Variants in PTPRN2 observed in about 807,000 individuals in gnomAD.
PTPRN2 encodes receptor-type tyrosine-protein phosphatase N2.
A neutral mutation model predicts 118.8 loss-of-function variants in PTPRN2; 74 were observed. The ratio of observed to expected loss-of-function variants is 0.62; its 90% CI spans 0.52 to 0.76. The LOEUF (loss-of-function observed/expected upper bound fraction) is 0.76, where lower values mean the gene tolerates loss of function less well. Ranked by LOEUF, PTPRN2 falls within the 30% of genes least tolerant of loss-of-function variation. The pLI, the probability that PTPRN2 is intolerant of heterozygous loss-of-function variation, is 0.00. For missense variants in PTPRN2, 1,481 were observed against 1,394.4 expected, an observed-to-expected ratio of 1.06 and a Z score of -0.99; for synonymous variants, 641 against 608.0, an observed-to-expected ratio of 1.05 and a Z score of -0.80.
intron 11 of PTPRN2, among the ~76,000 whole-genome samples, chr7:157,910,466 C>T (rs1183222289): frequency 7.9e-6 from 1 of 127,080 alleles, no homozygotes; most frequent in African/African-American, 3.0e-5. Flanking sequence ...GGATCACGCA[C>T]GTACGCCGTG....
intron 3 of PTPRN2, among the ~76,000 whole-genome samples, chr7:158,273,007 T>C (rs1323844231): frequency 6.6e-6 from 1 of 152,170 alleles, no homozygotes; most frequent in Non-Finnish European, 1.5e-5. Flanking sequence ...AATATGAAAG[T>C]GGCCATGGGC....
intron 12 of PTPRN2, among the ~76,000 whole-genome samples, chr7:157,842,068 G>A (rs907197853): frequency 1.3e-5 from 2 of 152,078 alleles, no homozygotes; most frequent in Admixed American, 6.5e-5. Flanking sequence ...CTTCCCTTTC[G>A]GGGAGGCCTG....
At chr7:158,340,550 G>T (rs189542083) in intron 2 of PTPRN2, among the ~76,000 whole-genome samples, 10,046 of 83,840 alleles carry the variant, frequency 0.12, no homozygotes, top group African/African-American at 0.13. Flanking sequence ...GCCCGCAGAG[G>T]TCACTCACAC....
intron 3 of PTPRN2, among the ~76,000 whole-genome samples, chr7:158,290,242 A>G (rs1221553665): frequency 6.6e-6 from 1 of 151,942 alleles, no homozygotes; most frequent in Non-Finnish European, 1.5e-5. Flanking sequence ...TGAGTTCTGG[A>G]GCCTGGAGCA....
At chr7:157,945,695 G>A (rs1306088495) in intron 11 of PTPRN2, among the ~76,000 whole-genome samples, 2 of 149,388 alleles carry the variant, frequency 1.3e-5, no homozygotes, top group African/African-American at 4.9e-5. Flanking sequence ...CAGCTTGGAC[G>A]ATGTCACCTC....
chr7:157,553,924 G>A lies in PTPRN2; in HGVS notation c.2903-4905C>T, dbSNP rs111665677. ...GATAGCCAGGCTCAGGCTGGGCGCC[G>A]TATCCTGCCCGCTCTGGTGCCCTCC... On this transcript the variant is annotated intron_variant, in intron 21 of 22. Transcript: ENST00000389418. Among the ~76,000 whole-genome samples, 419 of 151,994 alleles carry A rather than the reference G, an allele frequency of 2.8e-3. 4 individuals are homozygous for A. Among genetic ancestry groups the A allele is most frequent in the African/African-American group, 9.5e-3 (394 of 41,334 alleles).
At chr7:158,549,373 G>A (rs1826496867) in intron 1 of PTPRN2, among the ~76,000 whole-genome samples, 1 of 152,158 alleles carries the variant, frequency 6.6e-6, no homozygotes. Flanking sequence ...TGTGTTCACC[G>A]GGCGGATTCT....
chr7:157,780,658 G>A lies in PTPRN2; in HGVS notation c.1789-97721C>T, dbSNP rs181626946. 6.6e-6 allele frequency among the ~76,000 whole-genome samples: 1 copy of A among 152,292 alleles called. No homozygotes were observed. Among genetic ancestry groups the A allele is most frequent in the Admixed American group, 6.5e-5 (1 of 15,294 alleles). ...GCCTCAGTTTCCCTGTTTGCACAAT[G>A]GGGCTTCACCCATTTCGCAGGGTGG... On this transcript the variant is annotated intron_variant, in intron 12 of 22. Coordinates refer to ENST00000389418, the MANE Select transcript of PTPRN2 (RefSeq NM_002847.5). This position sits in a 1 kb window ranked among gnomAD's most constrained non-coding sequence, Gnocchi z 4.5.
At chr7:158,270,687 T>C (rs1360770010) in intron 3 of PTPRN2, among the ~76,000 whole-genome samples, 2 of 151,510 alleles carry the variant, frequency 1.3e-5, no homozygotes, top group Non-Finnish European at 2.9e-5. Flanking sequence ...CCTGGGAGCT[T>C]GCTGGGCCAC....
intron 2 of PTPRN2, among the ~76,000 whole-genome samples, chr7:158,435,996 C>T (rs918513631): frequency 1.2e-4 from 19 of 152,136 alleles, no homozygotes; most frequent in African/African-American, 4.6e-4. Flanking sequence ...TAGAGATCTG[C>T]GGTACAGATC....
intron 11 of PTPRN2, among the ~76,000 whole-genome samples, chr7:158,020,607 C>A (rs35313662): frequency 6.6e-6 from 1 of 152,100 alleles, no homozygotes; most frequent in South Asian, 2.1e-4. Flanking sequence ...GGGGCTGGGG[C>A]AGCCTTGCCC....
intron 12 of PTPRN2, among the ~76,000 whole-genome samples, chr7:157,762,906 C>T (rs898693267): frequency 2.0e-5 from 3 of 152,192 alleles, no homozygotes; most frequent in Non-Finnish European, 4.4e-5. Context: ...CCAGCCCCGC[C>T]CCTGAAAAGC....
At chr7:158,104,359 G>A (rs1437272854) in intron 10 of PTPRN2, among the ~76,000 whole-genome samples, 1 of 152,128 alleles carries the variant, frequency 6.6e-6, no homozygotes, top group East Asian at 1.9e-4. Flanking sequence ...TAAGAATCAA[G>A]ACAACTTAAG....
chr7:158,325,651 T>C (rs1803442359), intron 2 of PTPRN2, among the ~76,000 whole-genome samples: 2 of 152,120 alleles, frequency 1.3e-5, no homozygotes, highest in East Asian at 3.9e-4. Flanking sequence ...GCACCCCAAT[T>C]ACGAAGCCTT....
chr7:158,390,059 C>T (rs769683395), intron 2 of PTPRN2, among the ~76,000 whole-genome samples: 7 of 152,258 alleles, frequency 4.6e-5, no homozygotes, highest in Non-Finnish European at 1.0e-4. Context: ...CAAACGTCTA[C>T]ACGATACTCA....
chr7:157,667,417 C>T (rs1796196677), intron 13 of PTPRN2, among the ~76,000 whole-genome samples: 1 of 152,192 alleles, frequency 6.6e-6, no homozygotes, highest in Admixed American at 6.5e-5. Context: ...ACTGATCTTA[C>T]ACGGGTGTGG....
chr7:157,894,857 C>A (rs1797010998), intron 12 of PTPRN2, among the ~76,000 whole-genome samples: 1 of 152,160 alleles, frequency 6.6e-6, no homozygotes, highest in Non-Finnish European at 1.5e-5. Flanking sequence ...AGAGCACGGT[C>A]CACACTTTAT....
At chr7:158,372,308 A>C (rs35665468) in intron 2 of PTPRN2, among the ~76,000 whole-genome samples, 1 of 82,408 alleles carries the variant, frequency 1.2e-5, no homozygotes, top group Non-Finnish European at 2.7e-5. Flanking sequence ...GGTCCCCCCA[A>C]CGCTGGTCCC....
chr7:157,664,105 G>A (rs1040492771), intron 13 of PTPRN2, among the ~76,000 whole-genome samples: 1 of 152,208 alleles, frequency 6.6e-6, no homozygotes, highest in Non-Finnish European at 1.5e-5. Context: ...ACTAGAAAGT[G>A]ACTGGCTACA....
Sources: gnomAD v4.1 joint callset for allele counts (sites outside exome capture counted in the v4.1 genomes callset) on GRCh38, gnomAD v4.1.1 for gene constraint, Gnocchi (gnomAD v3.1) non-coding constraint, MANE v1.5 for transcripts, NCBI Gene and HGNC (gene_info 2026-07-23, HGNC 2026-07-21) for gene names.